UMAD1: variants seen among roughly 807,000 people sequenced by gnomAD.
The protein encoded by UMAD1 is UBAP1-MVB12-associated (UMA) domain containing 1.
UMAD1 carries 8 observed loss-of-function variants against 6.1 expected under a neutral mutation model. The ratio of observed to expected loss-of-function variants is 1.30; its 90% CI spans 0.76 to 2.35. UMAD1 has a LOEUF of 2.35. Ranked by LOEUF, UMAD1 falls within the 30% of genes most tolerant of loss-of-function variation. The pLI is 0.00. For missense variants in UMAD1, 130 were observed against 78.4 expected, an observed-to-expected ratio of 1.66 and a Z score of -2.49; for synonymous variants, 56 against 31.4, an observed-to-expected ratio of 1.78 and a Z score of -2.61.
chr7:7,643,711 CA>C (rs34403294), intron 1 of UMAD1, among the ~76,000 whole-genome samples: 7 of 66,962 alleles, frequency 1.0e-4, no homozygotes, highest in East Asian at 2.6e-4. Context: ...GACTCCCTCT[CA>C]AAAAAAAAAA....
At chr7:7,770,617 T>A (rs1187372321) in intron 2 of UMAD1, among the ~76,000 whole-genome samples, 4 of 152,112 alleles carry the variant, frequency 2.6e-5, no homozygotes, top group Non-Finnish European at 5.9e-5. Context: ...AGGAGACAAG[T>A]TTGAAAGGCA....
At chr7:7,815,478 G>A (rs991676155) in intron 3 of UMAD1, among the ~76,000 whole-genome samples, 1 of 152,032 alleles carries the variant, frequency 6.6e-6, no homozygotes, top group Admixed American at 6.6e-5. Context: ...TTTAATTTGG[G>A]GCTTAATTTT....
At chr7:7,742,419 G>A (rs757068790) in intron 2 of UMAD1, 4 of 577,266 alleles carry the variant, frequency 6.9e-6, no homozygotes, top group Non-Finnish European at 1.4e-5. Context: ...TGGAAGGTGG[G>A]TGACGGGCAG....
intron 3 of UMAD1, among the ~76,000 whole-genome samples, chr7:7,827,080 A>G (rs924678403): frequency 4.7e-5 from 7 of 149,844 alleles, no homozygotes; most frequent in Admixed American, 6.7e-5. Flanking sequence ...AGATGGATTA[A>G]TTCTTTTTCC....
At chr7:7,871,424 A>G (rs2115341196) in intron 3 of UMAD1, among the ~76,000 whole-genome samples, 1 of 152,324 alleles carries the variant, frequency 6.6e-6, no homozygotes, top group East Asian at 1.9e-4. Context: ...TTCACCACTG[A>G]CAAGCTGTGT....
intron 2 of UMAD1, among the ~76,000 whole-genome samples, chr7:7,675,059 C>CTTGCCATG (rs1039365983): frequency 3.2e-4 from 49 of 152,102 alleles, no homozygotes; most frequent in African/African-American, 1.2e-3. Context: ...GAGATGGGGT[C>CTTGCCATG]TTGCCATGTT....
intron 3 of UMAD1, among the ~76,000 whole-genome samples, chr7:7,804,133 C>T (rs992690839): frequency 2.0e-5 from 3 of 152,102 alleles, no homozygotes; most frequent in African/African-American, 7.2e-5. Flanking sequence ...TTCAAAAGTG[C>T]CTTCTATGCA....
At chr7:7,688,961 CTTACT>C (rs1780105763) in intron 2 of UMAD1, among the ~76,000 whole-genome samples, 1 of 152,128 alleles carries the variant, frequency 6.6e-6, no homozygotes, top group African/African-American at 2.4e-5. Flanking sequence ...TTAAATTATA[CTTACT>C]TTATTTAGTT....
rs550050745 is a variant in UMAD1 at position 7,844,345 on chromosome 7, C to T, written c.157-32936C>T. ...CCTCTTTGCCGCAGACTTACCATTT[C>T]TCCTTTCAAGGTGGAGCTAAATGTT... On this transcript the variant is annotated intron_variant, in intron 3 of 3. Transcript: ENST00000682710. Among the ~76,000 whole-genome samples the T allele has an allele frequency of 3.3e-5, 5 of 152,208 alleles. 1 individual carries two copies. Among genetic ancestry groups the T allele is most frequent in the African/African-American group, 1.2e-4 (5 of 41,532 alleles).
intron 3 of UMAD1, among the ~76,000 whole-genome samples, chr7:7,838,565 C>T (rs544510228): frequency 2.0e-5 from 3 of 152,232 alleles, no homozygotes; most frequent in African/African-American, 7.2e-5. Context: ...TCATTAAATA[C>T]GTGATTCTTT....
At chr7:7,872,187 T>A (rs1027425199) in intron 3 of UMAD1, among the ~76,000 whole-genome samples, 1 of 152,226 alleles carries the variant, frequency 6.6e-6, no homozygotes, top group Non-Finnish European at 1.5e-5. Flanking sequence ...CGGGTTCAGT[T>A]CTACATCACT....
intron 2 of UMAD1, chr7:7,735,661 T>C (rs113366367): frequency 0.09 from 13,662 of 152,288 alleles, 760 homozygotes; most frequent in African/African-American, 0.15. Flanking sequence ...CCACCCACCT[T>C]GGCCTCCCAA....
At chr7:7,686,496 A>G (rs559627411) in intron 2 of UMAD1, among the ~76,000 whole-genome samples, 5 of 152,226 alleles carry the variant, frequency 3.3e-5, no homozygotes, top group South Asian at 2.1e-4. Flanking sequence ...ATTGAGAATT[A>G]TCTTTTAATG....
intron 2 of UMAD1, among the ~76,000 whole-genome samples, chr7:7,779,495 T>A (rs1782300881): frequency 6.6e-6 from 1 of 152,106 alleles, no homozygotes; most frequent in African/African-American, 2.4e-5. Flanking sequence ...GGTCTCGAAA[T>A]CTTGGCCTTA....
intron 3 of UMAD1, 110 bp downstream of exon 3, chr7:7,801,853 T>G: frequency 1.5e-6 from 1 of 645,384 alleles, no homozygotes; most frequent in Middle Eastern, 2.5e-4. Flanking sequence ...CATAGGTGCC[T>G]GAATACAGGG....
intron 1 of UMAD1, among the ~76,000 whole-genome samples, chr7:7,668,505 TA>T (rs1389625198): frequency 1.3e-5 from 2 of 152,208 alleles, no homozygotes; most frequent in African/African-American, 4.8e-5. Flanking sequence ...GTGCCTAATT[TA>T]TAAATTAAAC....
intron 2 of UMAD1, among the ~76,000 whole-genome samples, chr7:7,797,839 C>A (rs1191005136): frequency 6.6e-6 from 1 of 152,138 alleles, no homozygotes; most frequent in African/African-American, 2.4e-5. Flanking sequence ...CAGGCACATG[C>A]CACCACCCCC....
chr7:7,827,177 G>A (rs12533641), intron 3 of UMAD1, among the ~76,000 whole-genome samples: 50 of 147,254 alleles, frequency 3.4e-4, no homozygotes, highest in African/African-American at 1.1e-3. Context: ...GTGTGTGTGT[G>A]TATCACATGA....
At chr7:7,684,647 G>A (rs371104654) in intron 2 of UMAD1, among the ~76,000 whole-genome samples, 1 of 152,194 alleles carries the variant, frequency 6.6e-6, no homozygotes, top group Non-Finnish European at 1.5e-5. Flanking sequence ...CAACTGGGAA[G>A]CATTTTATTA....
Sources: gnomAD v4.1 joint callset for allele counts (sites outside exome capture counted in the v4.1 genomes callset) on GRCh38, gnomAD v4.1.1 for gene constraint, MANE v1.5 for transcripts, NCBI Gene and HGNC (gene_info 2026-07-23, HGNC 2026-07-21) for gene names.